EFNA5: variants seen among roughly 807,000 people sequenced by gnomAD.
EFNA5 encodes ephrin A5.
Under a neutral mutation model 22.9 loss-of-function variants are expected in EFNA5, and 5 were observed. The ratio of observed to expected loss-of-function variants is 0.22; its 90% CI spans 0.11 to 0.46. The LOEUF (loss-of-function observed/expected upper bound fraction) is 0.46, where lower values mean the gene tolerates loss of function less well. Ranked by LOEUF, EFNA5 falls within the 20% of genes least tolerant of loss-of-function variation. EFNA5 has a pLI of 0.99. For synonymous variants in EFNA5, 113 were observed against 112.2 expected, an observed-to-expected ratio of 1.01 and a Z score of -0.04; for missense variants, 237 against 293.3, an observed-to-expected ratio of 0.81 and a Z score of 1.40.
At chr5:107,643,466 G>C (rs193101900) in intron 1 of EFNA5, among the ~76,000 whole-genome samples, 3 of 152,074 alleles carry the variant, frequency 2.0e-5, no homozygotes, top group Non-Finnish European at 4.4e-5. Flanking sequence ...TCAGTGATCT[G>C]CCATCTGCAG....
At chr5:107,487,745 TC>T (rs928927884) in intron 1 of EFNA5, among the ~76,000 whole-genome samples, 20 of 152,282 alleles carry the variant, frequency 1.3e-4, no homozygotes, top group African/African-American at 4.3e-4. Context: ...CCAATCTTAT[TC>T]CCCCTTGGAC....
At chr5:107,410,361 G>C (rs796609460) in intron 2 of EFNA5, among the ~76,000 whole-genome samples, 43 of 152,248 alleles carry the variant, frequency 2.8e-4, no homozygotes, top group African/African-American at 1.0e-3. Context: ...AAGAAGACTA[G>C]AGGCAAGGAT....
chr5:107,413,044 A>G (rs565640763), intron 2 of EFNA5, among the ~76,000 whole-genome samples: 3 of 152,308 alleles, frequency 2.0e-5, no homozygotes, highest in Non-Finnish European at 2.9e-5. Flanking sequence ...TCAAATATCA[A>G]TATTAAGAAA....
At chr5:107,600,942 T>C (rs776803971) in intron 1 of EFNA5, among the ~76,000 whole-genome samples, 1 of 152,184 alleles carries the variant, frequency 6.6e-6, no homozygotes, top group Non-Finnish European at 1.5e-5. Flanking sequence ...AGAAGACCTA[T>C]AAAGATTGAA....
At chr5:107,437,279 T>A (rs1749137874) in intron 1 of EFNA5, among the ~76,000 whole-genome samples, 2 of 152,258 alleles carry the variant, frequency 1.3e-5, no homozygotes, top group Non-Finnish European at 2.9e-5. Context: ...ATAATAATAA[T>A]GTTTTCATAC....
At chr5:107,666,947 G>T (rs765591372) in intron 1 of EFNA5, among the ~76,000 whole-genome samples, 7 of 152,060 alleles carry the variant, frequency 4.6e-5, no homozygotes, top group Non-Finnish European at 1.0e-4. Context: ...TTTATTACTG[G>T]AAGTCTTTTT....
chr5:107,434,497 T>C (rs556448233), intron 1 of EFNA5, among the ~76,000 whole-genome samples: 2 of 152,362 alleles, frequency 1.3e-5, no homozygotes, highest in African/African-American at 2.4e-5. Flanking sequence ...CATCCTCATT[T>C]GCTAAAGCCA....
intron 2 of EFNA5, among the ~76,000 whole-genome samples, chr5:107,426,087 T>A (rs1464491382): frequency 6.6e-6 from 1 of 152,174 alleles, no homozygotes; most frequent in Non-Finnish European, 1.5e-5. Context: ...ATACTTTAAT[T>A]GCCTATTTAC....
chr5:107,453,592 G>T (rs1041659654), intron 1 of EFNA5, among the ~76,000 whole-genome samples: 7 of 152,124 alleles, frequency 4.6e-5, no homozygotes, highest in Non-Finnish European at 1.0e-4. Flanking sequence ...ATGATTTTTG[G>T]AGTTGACTAG....
intron 1 of EFNA5, among the ~76,000 whole-genome samples, chr5:107,469,980 C>T (rs562515085): frequency 5.5e-4 from 84 of 152,096 alleles, no homozygotes; most frequent in African/African-American, 1.9e-3. Flanking sequence ...AGTGTTAATG[C>T]GAACACCGTT....
At chr5:107,665,939 C>T (rs1007612118) in intron 1 of EFNA5, among the ~76,000 whole-genome samples, 7 of 152,102 alleles carry the variant, frequency 4.6e-5, no homozygotes, top group Admixed American at 4.6e-4. Flanking sequence ...AAATTCTGAT[C>T]TAAATTTCAG....
At chr5:107,563,522 C>T (rs1189966708) in intron 1 of EFNA5, among the ~76,000 whole-genome samples, 2 of 152,140 alleles carry the variant, frequency 1.3e-5, no homozygotes, top group Admixed American at 6.5e-5. Flanking sequence ...CTGCAGCCTC[C>T]ACCTCCTAGG....
chr5:107,559,468 C>G (rs571911316), intron 1 of EFNA5, among the ~76,000 whole-genome samples: 1 of 152,264 alleles, frequency 6.6e-6, no homozygotes, highest in African/African-American at 2.4e-5. Context: ...ATGAATTGCT[C>G]TTGATGTTTG....
intron 1 of EFNA5, among the ~76,000 whole-genome samples, chr5:107,550,267 T>C (rs1361907520): frequency 1.3e-5 from 2 of 152,238 alleles, no homozygotes; most frequent in Non-Finnish European, 2.9e-5. Flanking sequence ...ATGGAAATAT[T>C]ATAACAAGTT....
chr5:107,539,376 C>T (rs887455195), intron 1 of EFNA5, among the ~76,000 whole-genome samples: 1 of 152,180 alleles, frequency 6.6e-6, no homozygotes, highest in African/African-American at 2.4e-5. Flanking sequence ...GGTAATAGTG[C>T]TTAATCCATG....
rs1397113702 is a variant in EFNA5, at chr5:107,380,566, C to A, written c.*689G>T. ...CTGCTCTGTATTAGCATTCCACACC[C>A]AACCTGCCTCCTAGAAAAAAAAAAA... On this transcript the variant is annotated 3_prime_UTR_variant, in exon 5 of 5. Transcript: ENST00000333274. 4 of 351,080 alleles carry A rather than the reference C, an allele frequency of 1.1e-5. No individual in the cohort carries two copies. Among genetic ancestry groups the A allele is most frequent in the African/African-American group, 2.2e-5 (1 of 46,500 alleles). 21.7% of individuals were successfully genotyped at this position (351,080 alleles called of 1,614,324 possible). A position where few individuals can be genotyped will look rare whatever the true frequency, so the allele number is the denominator to read the frequency against.
chr5:107,630,581 G>A (rs755147064), intron 1 of EFNA5, among the ~76,000 whole-genome samples: 2 of 149,986 alleles, frequency 1.3e-5, no homozygotes, highest in African/African-American at 2.5e-5. Flanking sequence ...TCGGTGAGTC[G>A]GTGAGTGAGT....
At chr5:107,465,635 T>C (rs566860653) in intron 1 of EFNA5, among the ~76,000 whole-genome samples, 1 of 152,272 alleles carries the variant, frequency 6.6e-6, no homozygotes, top group South Asian at 2.1e-4. Flanking sequence ...TCAGAGGTTT[T>C]ATTCTCATGC....
intron 1 of EFNA5, among the ~76,000 whole-genome samples, chr5:107,572,977 C>T (rs534120065): frequency 8.7e-4 from 133 of 152,250 alleles, no homozygotes; most frequent in Non-Finnish European, 1.4e-3. Context: ...CAATTGGAGA[C>T]GCTTACTTAA....
Sources: allele counts gnomAD v4.1 joint callset (sites outside exome capture counted in the v4.1 genomes callset), GRCh38; gene constraint gnomAD v4.1.1; transcripts MANE v1.5; gene names NCBI Gene and HGNC (gene_info 2026-07-23, HGNC 2026-07-21).